RHOJ: variants seen among roughly 807,000 people sequenced by gnomAD.
The protein encoded by RHOJ is rho-related GTP-binding protein RhoJ.
Under a neutral mutation model 23.4 loss-of-function variants are expected in RHOJ, and 11 were observed. The ratio of observed to expected loss-of-function variants is 0.47; its 90% CI spans 0.30 to 0.78. The LOEUF is 0.78. Among genes scored for constraint, RHOJ ranks in the 30% least tolerant of loss-of-function variants. RHOJ has a pLI of 0.08. For missense variants in RHOJ, 254 were observed against 273.4 expected, an observed-to-expected ratio of 0.93 and a Z score of 0.50; for synonymous variants, 102 against 102.7, an observed-to-expected ratio of 0.99 and a Z score of 0.04.
chr14:63,245,622 T>A (rs1297281516), intron 1 of RHOJ, among the ~76,000 whole-genome samples: 4 of 152,048 alleles, frequency 2.6e-5, no homozygotes, highest in Admixed American at 1.3e-4. Context: ...TGTGCCACTG[T>A]ACTCCAGGAT....
At chr14:63,242,922 G>A (rs1474373173) in intron 1 of RHOJ, among the ~76,000 whole-genome samples, 1 of 152,034 alleles carries the variant, frequency 6.6e-6, no homozygotes, top group Non-Finnish European at 1.5e-5. Context: ...AAAAATTAAA[G>A]GTTCCATTTC....
At chr14:63,278,960 T>G (rs1407818520) in intron 2 of RHOJ, among the ~76,000 whole-genome samples, 2 of 152,196 alleles carry the variant, frequency 1.3e-5, no homozygotes, top group African/African-American at 4.8e-5. Context: ...CACTCCAGCC[T>G]GGGCAATAGA....
intron 1 of RHOJ, 50 bp from the exon 2 acceptor site, chr14:63,269,060 A>T: frequency 7.5e-7 from 1 of 1,328,250 alleles, no homozygotes; most frequent in Non-Finnish European, 1.1e-6. Flanking sequence ...TCCTGATTGA[A>T]GCTTGTGTTT....
intron 2 of RHOJ, among the ~76,000 whole-genome samples, chr14:63,278,204 A>G (rs1216812829): frequency 6.6e-6 from 1 of 151,932 alleles, no homozygotes; most frequent in Non-Finnish European, 1.5e-5. Flanking sequence ...CTTGCTTTGC[A>G]TTTTGCATTA....
chr14:63,216,215 T>C (rs1894352946), intron 1 of RHOJ, among the ~76,000 whole-genome samples: 2 of 152,198 alleles, frequency 1.3e-5, no homozygotes, highest in Admixed American at 6.5e-5. Flanking sequence ...CCTAATTATA[T>C]TGAGGATTTC....
rs112296811 is a variant in RHOJ at position 63,261,114 on chromosome 14, T to C, written c.179-7996T>C. On this transcript the variant is annotated intron_variant, in intron 1 of 4. Coordinates refer to ENST00000316754, the MANE Select transcript of RHOJ (RefSeq NM_020663.5). The stretch of plus-strand genomic sequence containing the variant: ...CACTGGGTATTTCTTCTCTTCGTCA[T>C]TGCCAATTTGAATGACCCAAGGTTG... Among the ~76,000 whole-genome samples the C allele has an allele frequency of 9.1e-4, 138 of 152,374 alleles. 1 individual carries two copies. Among genetic ancestry groups the C allele is most frequent in the African/African-American group, 3.1e-3 (131 of 41,594 alleles).
chr14:63,209,860 TTATTA>T (rs1349848492), intron 1 of RHOJ, among the ~76,000 whole-genome samples: 1 of 152,164 alleles, frequency 6.6e-6, no homozygotes, highest in African/African-American at 2.4e-5. Flanking sequence ...TTTATTATAT[TTATTA>T]TATTTCTGAA....
intron 1 of RHOJ, among the ~76,000 whole-genome samples, chr14:63,243,791 C>T (rs562980147): frequency 6.6e-6 from 1 of 152,264 alleles, no homozygotes; most frequent in Admixed American, 6.5e-5. Context: ...CCTTTAAACA[C>T]GTTATGCGTA....
intron 1 of RHOJ, among the ~76,000 whole-genome samples, chr14:63,251,455 TCA>T (rs1231361486): frequency 3.3e-5 from 5 of 152,212 alleles, no homozygotes; most frequent in African/African-American, 9.6e-5. Context: ...AAAGAATTTT[TCA>T]CAGTCTCAAT....
chr14:63,283,507 T>C (rs1881978449), intron 4 of RHOJ, among the ~76,000 whole-genome samples: 1 of 152,240 alleles, frequency 6.6e-6, no homozygotes, highest in Non-Finnish European at 1.5e-5. Flanking sequence ...CTACTTGCCA[T>C]ATTTAGTATG....
intron 1 of RHOJ, among the ~76,000 whole-genome samples, chr14:63,249,724 T>C (rs890798711): frequency 1.3e-5 from 2 of 152,198 alleles, no homozygotes; most frequent in African/African-American, 4.8e-5. Flanking sequence ...ATCAATCTAA[T>C]GCTCTAAGTC....
chr14:63,275,653 C>G (rs368948776), intron 2 of RHOJ, among the ~76,000 whole-genome samples: 2 of 152,216 alleles, frequency 1.3e-5, no homozygotes, highest in Non-Finnish European at 2.9e-5. Flanking sequence ...TCTTTGTCTA[C>G]TTTACCTCCA....
chr14:63,240,490 GA>G (rs1894865117), intron 1 of RHOJ, among the ~76,000 whole-genome samples: 1 of 151,944 alleles, frequency 6.6e-6, no homozygotes, highest in African/African-American at 2.4e-5. Context: ...TCAGAGAAGG[GA>G]AAAGAAAAAA....
chr14:63,239,492 C>T (rs1894847822), intron 1 of RHOJ, among the ~76,000 whole-genome samples: 1 of 152,162 alleles, frequency 6.6e-6, no homozygotes, highest in Non-Finnish European at 1.5e-5. Flanking sequence ...CTCTGGGGAG[C>T]CCACAGATTT....
At chr14:63,208,408 T>C (rs957880799) in intron 1 of RHOJ, among the ~76,000 whole-genome samples, 5 of 152,216 alleles carry the variant, frequency 3.3e-5, no homozygotes, top group African/African-American at 1.2e-4. Flanking sequence ...ACAATTTATA[T>C]GCTTCCTTAT....
intron 1 of RHOJ, among the ~76,000 whole-genome samples, chr14:63,240,163 G>A (rs1471293319): frequency 6.6e-6 from 1 of 152,134 alleles, no homozygotes; most frequent in Non-Finnish European, 1.5e-5. Flanking sequence ...AGAAGCAAAG[G>A]CTGAGAGGTA....
In RHOJ at chr14:63,255,999, G is replaced by A. The variant is rs112423064; in HGVS notation, c.179-13111G>A. 6.1e-3 allele frequency among the ~76,000 whole-genome samples: 932 copies of A among 152,168 alleles called. 8 individuals are homozygous for A. The highest frequency in any genetic ancestry group is 0.019 in the African/African-American group (800 of 41,520). On this transcript the variant is annotated intron_variant, in intron 1 of 4. Coordinates refer to ENST00000316754, the MANE Select transcript of RHOJ (RefSeq NM_020663.5). The stretch of plus-strand genomic sequence containing the variant: ...TACTCCTGCCTTAGCCTCCCAAGTC[G>A]CTAAGAGTACAGGCACGTGCCACCT...
chr14:63,284,022 A>T (rs985348650), intron 4 of RHOJ, among the ~76,000 whole-genome samples: 2 of 152,214 alleles, frequency 1.3e-5, no homozygotes, highest in African/African-American at 2.4e-5. Context: ...TCATCAAGTC[A>T]TAAATCTATT....
chr14:63,280,654 T>C lies in RHOJ; in HGVS notation c.238-317T>C, dbSNP rs1881868919. On this transcript the variant is annotated intron_variant, in intron 2 of 4. Coordinates refer to ENST00000316754, the MANE Select transcript of RHOJ (RefSeq NM_020663.5). ...GTTGTACACCTTAAATGTATACAATTTAAAAATAAAAATAAATGGGTGAAC... is the reference window on the plus strand; with the variant it reads ...GTTGTACACCTTAAATGTATACAATCTAAAAATAAAAATAAATGGGTGAAC... Among the ~76,000 whole-genome samples, 3 of 152,078 alleles carry C rather than the reference T, an allele frequency of 2.0e-5. No homozygotes were observed. In the South Asian group the frequency reaches 6.2e-4, roughly 32 times the overall value.
Sources: allele counts gnomAD v4.1 joint callset (sites outside exome capture counted in the v4.1 genomes callset), GRCh38; gene constraint gnomAD v4.1.1; transcripts MANE v1.5; gene names NCBI Gene and HGNC (gene_info 2026-07-23, HGNC 2026-07-21).